Variants in RPS6KA6 observed in about 807,000 individuals in gnomAD.
The protein encoded by RPS6KA6 is ribosomal protein S6 kinase alpha-6.
In RPS6KA6, 27 loss-of-function variants were observed where a neutral mutation model predicts 65.4. The ratio of observed to expected loss-of-function variants is 0.41; its 90% CI spans 0.30 to 0.57. The LOEUF (loss-of-function observed/expected upper bound fraction) is 0.57. Among genes scored for constraint, RPS6KA6 ranks in the 20% least tolerant of loss-of-function variants. RPS6KA6 has a pLI of 0.24. For missense variants in RPS6KA6, 486 were observed against 555.6 expected (o/e 0.87, Z 1.26); for synonymous variants, 190 against 184.2 (o/e 1.03, Z -0.26).
intron 3 of RPS6KA6, 22 bp downstream of exon 3, chrX:84,156,053 G>A (rs1194446753): frequency 2.1e-6 from 2 of 946,725 alleles, no homozygotes; most frequent in South Asian, 4.1e-5. Context: ...AGGAACAAAT[G>A]GGGAAAAAAA....
intron 2 of RPS6KA6, 28 bp from the exon 3 acceptor site, chrX:84,156,219 G>T: frequency 1.2e-6 from 1 of 819,267 alleles, no homozygotes; most frequent in Non-Finnish European, 1.8e-6. Flanking sequence ...AACAATACTT[G>T]AATCCATTTT....
At chrX:84,137,810 C>T (rs1418050310) in intron 6 of RPS6KA6, among the ~76,000 whole-genome samples, 1 of 111,933 alleles carries the variant, frequency 8.9e-6, no homozygotes, top group African/African-American at 3.2e-5. Context: ...TCAATTGGTA[C>T]AAGTCACTTA....
intron 12 of RPS6KA6, among the ~76,000 whole-genome samples, chrX:84,113,841 C>G (rs1012249158): frequency 9.0e-6 from 1 of 111,106 alleles, no homozygotes; most frequent in African/African-American, 3.3e-5. Flanking sequence ...GTCAAAGTAC[C>G]TCTATTGATT....
At chrX:84,102,906 G>A (rs1207427243) in intron 17 of RPS6KA6, among the ~76,000 whole-genome samples, 1 of 110,554 alleles carries the variant, frequency 9.0e-6, no homozygotes, top group Non-Finnish European at 1.9e-5. Context: ...ATATTATAAA[G>A]GAAAGAGCCA....
At position 84,134,822 on chromosome X, in the gene RPS6KA6, G is replaced by A; in HGVS notation, c.609-3C>T. 8.9e-7 allele frequency: 1 copy of A among 1,124,403 alleles called. No homozygotes were observed. 92.7% of individuals were successfully genotyped at this position (1,124,403 alleles called of 1,213,427 possible). The stretch of plus-strand genomic sequence containing the variant: ...GTCCTATTTCATCAAGCAAAATGCT[G>A]TAAATCAAAATTCACATTCAACAAG... On this transcript the variant is annotated splice_region_variant and splice_polypyrimidine_tract_variant and intron_variant, in intron 7 of 21. Transcript: ENST00000262752.
chrX:84,086,321 T>C (rs2033920532), intron 20 of RPS6KA6, among the ~76,000 whole-genome samples: 1 of 111,651 alleles, frequency 9.0e-6, no homozygotes, highest in South Asian at 3.7e-4. Flanking sequence ...CTCAACACTG[T>C]TTTAGCTGAG....
Position 84,064,522 on chromosome X carries a change from T to A in RPS6KA6, c.2113-120A>T. The A allele has an allele frequency of 4.7e-6, 3 of 639,856 alleles. No individual in the cohort carries two copies. In the South Asian group the frequency reaches 1.1e-4, roughly 24 times the overall value. 52.7% of individuals were successfully genotyped at this position (639,856 alleles called of 1,213,427 possible). ...ACAAAATGTTTTCCTAGGAAAATAA[T>A]TGAATATATTAGATCTGTGCACTGA... On this transcript the variant is annotated intron_variant, in intron 21 of 21. Transcript: ENST00000262752.
At chrX:84,068,156 T>G (rs1286092151) in intron 20 of RPS6KA6, among the ~76,000 whole-genome samples, 2 of 111,333 alleles carry the variant, frequency 1.8e-5, no homozygotes, top group African/African-American at 3.3e-5. Flanking sequence ...TACCAGCCAC[T>G]GCAAAAACAT....
At chrX:84,091,295 G>C (rs1413136817) in intron 20 of RPS6KA6, among the ~76,000 whole-genome samples, 1 of 112,559 alleles carries the variant, frequency 8.9e-6, no homozygotes, top group Non-Finnish European at 1.9e-5. Context: ...AACACTTGCT[G>C]TGTAAATTAA....
At chrX:84,181,312 T>C (rs753325798) in intron 1 of RPS6KA6, among the ~76,000 whole-genome samples, 1 of 111,761 alleles carries the variant, frequency 8.9e-6, no homozygotes, top group Admixed American at 9.5e-5. Flanking sequence ...TTTAACCTCT[T>C]AGTTATATGG....
At chrX:84,116,995 A>G in intron 11 of RPS6KA6, 65 bp downstream of exon 11, 2 of 727,839 alleles carry the variant, frequency 2.7e-6, no homozygotes, top group Non-Finnish European at 4.0e-6. Context: ...AAGAAAACAT[A>G]AAGATTTAAT....
chrX:84,061,677 T>TC lies in RPS6KA6; in HGVS notation c.*2599dup, dbSNP rs1247594949. 9.3e-6 allele frequency: 1 copy of TC among 107,757 alleles called. No homozygotes were observed. Among genetic ancestry groups the TC allele is most frequent in the Non-Finnish European group, 1.9e-5 (1 of 51,964 alleles). 8.9% of individuals were successfully genotyped at this position (107,757 alleles called of 1,213,427 possible). A position where few individuals can be genotyped will look rare whatever the true frequency, so the allele number is the denominator to read the frequency against. ...TCTAAGAAAAACAAATTCAATATCC[T>TC]CCCCCTTCAAGAACAATAAAACCCC... is the stretch of plus-strand genomic sequence containing the variant. On this transcript the variant is annotated 3_prime_UTR_variant, in exon 22 of 22. Transcript: ENST00000262752.
At chrX:84,081,058 A>G (rs771459416) in intron 20 of RPS6KA6, among the ~76,000 whole-genome samples, 10 of 111,813 alleles carry the variant, frequency 8.9e-5, no homozygotes, top group Non-Finnish European at 1.5e-4. Context: ...TAACATCACA[A>G]TTAAAAGAAC....
intron 6 of RPS6KA6, among the ~76,000 whole-genome samples, chrX:84,137,279 T>C (rs1189800899): frequency 1.8e-5 from 2 of 111,890 alleles, no homozygotes; most frequent in Non-Finnish European, 3.8e-5. Context: ...TCTATGTCTT[T>C]AAAACTTATT....
chrX:84,116,233 C>T lies in RPS6KA6; in HGVS notation c.1004G>A (p.Trp335Ter). Residue 335 changes from tryptophan (W) to a stop codon, truncating the protein, a stop_gained, in exon 12 of 22, where the codon TGG (tryptophan) becomes TAG (stop). Coordinates refer to ENST00000262752, the MANE Select transcript of RPS6KA6 (RefSeq NM_014496.5). LOFTEE classifies it high-confidence loss of function. ...CAAGCTTTCTACTTAACTTACATCC[C>T]AGTCAATATTTGCAAAAAACAGATG... ...KRHLFFANID[W>*]DKLYKREVQP... is the part of the protein sequence containing the mutation. 1 of 1,127,215 alleles carries T rather than the reference C, an allele frequency of 8.9e-7. No homozygotes were observed. The highest frequency in any genetic ancestry group is 1.2e-6 in the Non-Finnish European group (1 of 826,634). 92.9% of individuals were successfully genotyped at this position (1,127,215 alleles called of 1,213,427 possible). A position where few individuals can be genotyped will look rare whatever the true frequency, so the allele number is the denominator to read the frequency against.
At chrX:84,068,742 T>C (rs2033461278) in intron 20 of RPS6KA6, among the ~76,000 whole-genome samples, 1 of 111,869 alleles carries the variant, frequency 8.9e-6, no homozygotes, top group African/African-American at 3.3e-5. Flanking sequence ...ACAAAACCAA[T>C]GTGCAAAAAT....
chrX:84,122,803 G>T (rs201325454), intron 8 of RPS6KA6, among the ~76,000 whole-genome samples: 2 of 111,475 alleles, frequency 1.8e-5, no homozygotes, highest in East Asian at 5.7e-4. Context: ...GCAACTACTA[G>T]TGTTGAACTG....
In RPS6KA6 at chrX:84,058,482, T is replaced by C. The variant is rs2033246350; in HGVS notation, c.*5795A>G. 1 of 112,158 alleles carries C rather than the reference T, an allele frequency of 8.9e-6. No homozygotes were observed. Among genetic ancestry groups the C allele is most frequent in the Non-Finnish European group, 1.9e-5 (1 of 53,264 alleles). 9.2% of individuals were successfully genotyped at this position (112,158 alleles called of 1,213,427 possible). On this transcript the variant is annotated 3_prime_UTR_variant, in exon 22 of 22. Coordinates refer to ENST00000262752, the MANE Select transcript of RPS6KA6 (RefSeq NM_014496.5). Reference sequence around the variant, plus strand: ...AACTTCTATGTCTTCTTTGGCATGTTGTAAATTCAAAATGATAGCCATTTC... The same window carrying C: ...AACTTCTATGTCTTCTTTGGCATGTCGTAAATTCAAAATGATAGCCATTTC...
chrX:84,181,573 T>C (rs1245157062), intron 1 of RPS6KA6, among the ~76,000 whole-genome samples: 1 of 111,855 alleles, frequency 8.9e-6, no homozygotes, highest in African/African-American at 3.3e-5. Context: ...TAATGACAAC[T>C]ACGTGACTAT....
Sources: allele counts gnomAD v4.1 joint callset (sites outside exome capture counted in the v4.1 genomes callset), GRCh38; gene constraint gnomAD v4.1.1; transcripts MANE v1.5; gene names NCBI Gene and HGNC (gene_info 2026-07-23, HGNC 2026-07-21).